RASGRP3: variants seen among roughly 807,000 people sequenced by gnomAD.
RASGRP3 encodes RAS guanyl releasing protein 3, also known as ras guanyl-releasing protein 3.
Under a neutral mutation model 82.7 loss-of-function variants are expected in RASGRP3, and 54 were observed. The ratio of observed to expected loss-of-function variants is 0.65; its 90% CI spans 0.52 to 0.82. The LOEUF is 0.82. Ranked by LOEUF, RASGRP3 falls within the 40% of genes least tolerant of loss-of-function variation. The pLI, the probability that RASGRP3 is intolerant of heterozygous loss-of-function variation, is 0.00. For synonymous variants in RASGRP3, 309 were observed against 300.5 expected (o/e 1.03, Z -0.29); for missense variants, 861 against 828.9 (o/e 1.04, Z -0.48).
chr2:33,471,091 TTAACA>T (rs1667034100), intron 2 of RASGRP3, among the ~76,000 whole-genome samples: 1 of 152,184 alleles, frequency 6.6e-6, no homozygotes, highest in African/African-American at 2.4e-5. Context: ...GAGATTTGAA[TTAACA>T]TGAGTATCAT....
intron 14 of RASGRP3, 124 bp downstream of exon 14, chr2:33,549,875 G>T: frequency 8.4e-7 from 1 of 1,192,324 alleles, no homozygotes; most frequent in South Asian, 1.8e-5. Context: ...AAATGTGATG[G>T]CTCCCTGAAA....
chr2:33,496,118 T>G (rs983441612), intron 1 of RASGRP3, among the ~76,000 whole-genome samples: 5 of 152,270 alleles, frequency 3.3e-5, no homozygotes, highest in Non-Finnish European at 5.9e-5. Flanking sequence ...TAAATCTGTT[T>G]ATAACCTGTA....
At chr2:33,516,718 AGCCAG>A in intron 4 of RASGRP3, 74 bp downstream of exon 4, 2 of 1,029,198 alleles carry the variant, frequency 1.9e-6, no homozygotes, top group Non-Finnish European at 2.9e-6. Flanking sequence ...GTCTATCCAA[AGCCAG>A]TAAATTAAGA....
intron 4 of RASGRP3, among the ~76,000 whole-genome samples, chr2:33,518,418 T>C (rs1031840999): frequency 6.6e-6 from 1 of 152,194 alleles, no homozygotes; most frequent in Non-Finnish European, 1.5e-5. Context: ...TGGAAGCCGC[T>C]CAGGGTGAGT....
intron 6 of RASGRP3, 78 bp from the exon 7 acceptor site, chr2:33,521,877 C>A: frequency 6.7e-7 from 1 of 1,502,260 alleles, no homozygotes; most frequent in Non-Finnish European, 8.9e-7. Flanking sequence ...CCAAGAGTTG[C>A]AGAGTCAGTA....
At chr2:33,532,960 A>C (rs946960545) in intron 10 of RASGRP3, 1 of 152,184 alleles carries the variant, frequency 6.6e-6, no homozygotes, top group Non-Finnish European at 1.5e-5. Flanking sequence ...ATCTTTGAAA[A>C]CATCTTCGCC....
chr2:33,505,463 C>G (rs889361779), intron 1 of RASGRP3, among the ~76,000 whole-genome samples: 1 of 151,904 alleles, frequency 6.6e-6, no homozygotes, highest in Non-Finnish European at 1.5e-5. Context: ...CCACCACTCC[C>G]GGCTAATTTT....
intron 1 of RASGRP3, among the ~76,000 whole-genome samples, chr2:33,492,428 T>G (rs1241929606): frequency 2.0e-5 from 3 of 152,136 alleles, no homozygotes; most frequent in African/African-American, 7.2e-5. Context: ...CTCCAGTCCT[T>G]GGTTGAGAGC....
chr2:33,489,177 A>G (rs561315659), intron 1 of RASGRP3, among the ~76,000 whole-genome samples: 73 of 152,356 alleles, frequency 4.8e-4, no homozygotes, highest in African/African-American at 1.8e-3. Context: ...CTGCATGACA[A>G]TCAATTATCC....
intron 1 of RASGRP3, among the ~76,000 whole-genome samples, chr2:33,491,596 G>C (rs1008780863): frequency 3.3e-5 from 5 of 152,214 alleles, no homozygotes; most frequent in African/African-American, 1.2e-4. Flanking sequence ...AGATGGTGTA[G>C]AGATTGCATG....
At chr2:33,520,492 C>T (rs140126148) in intron 5 of RASGRP3, 61 bp from the exon 6 acceptor site, 17 of 1,595,232 alleles carry the variant, frequency 1.1e-5, no homozygotes, top group Admixed American at 6.7e-5. Context: ...ACGGTACAAT[C>T]GTTTCCATAG....
chr2:33,495,369 G>A (rs532821871), intron 1 of RASGRP3, among the ~76,000 whole-genome samples: 2 of 152,198 alleles, frequency 1.3e-5, no homozygotes, highest in African/African-American at 4.8e-5. Flanking sequence ...TTCATTGTTT[G>A]TGTAGTTCAC....
chr2:33,558,591 C>G (rs1370654329), intron 16 of RASGRP3, 81 bp from the exon 17 acceptor site: 1 of 1,283,410 alleles, frequency 7.8e-7, no homozygotes, highest in East Asian at 2.4e-5. Flanking sequence ...GCATGCCAGA[C>G]TCGTGCTGTT....
At chr2:33,521,824 T>G in intron 6 of RASGRP3, 131 bp from the exon 7 acceptor site, 2 of 1,106,514 alleles carry the variant, frequency 1.8e-6, no homozygotes, top group African/African-American at 1.6e-5. Flanking sequence ...TCTTCCAATA[T>G]GAAAGACAGG....
At chr2:33,463,863 G>A (rs1437176472) in intron 2 of RASGRP3, among the ~76,000 whole-genome samples, 2 of 151,770 alleles carry the variant, frequency 1.3e-5, no homozygotes, top group Non-Finnish European at 2.9e-5. Flanking sequence ...GCCTCCCGAA[G>A]TGCTGGGATT....
At chr2:33,519,819 T>C (rs1199171765) in intron 4 of RASGRP3, 133 bp from the exon 5 acceptor site, 2 of 603,660 alleles carry the variant, frequency 3.3e-6, no homozygotes, top group Non-Finnish European at 5.9e-6. Context: ...AGAGGCCACT[T>C]CTCTCCGTAT....
intron 10 of RASGRP3, chr2:33,533,685 G>C (rs566281112): frequency 6.6e-6 from 1 of 152,552 alleles, no homozygotes; most frequent in Non-Finnish European, 1.5e-5. Flanking sequence ...TGACCACACA[G>C]CCTCTGCCCT....
At chr2:33,470,116 A>C (rs978525735) in intron 2 of RASGRP3, among the ~76,000 whole-genome samples, 6 of 152,264 alleles carry the variant, frequency 3.9e-5, no homozygotes, top group Admixed American at 1.3e-4. Context: ...TCTTTAAAAT[A>C]AACTTGAGGA....
At chr2:33,450,418 ACT>A (rs146603025) in intron 2 of RASGRP3, among the ~76,000 whole-genome samples, 5,563 of 151,838 alleles carry the variant, frequency 0.037, 342 homozygotes, top group African/African-American at 0.13. Context: ...TCCTCATTCT[ACT>A]CTCTGTTACT....
Sources: gnomAD v4.1 joint callset for allele counts (sites outside exome capture counted in the v4.1 genomes callset) on GRCh38, gnomAD v4.1.1 for gene constraint, MANE v1.5 for transcripts, NCBI Gene and HGNC (gene_info 2026-07-23, HGNC 2026-07-21) for gene names.